Variants in MALRD1 observed in about 807,000 individuals in gnomAD.
MALRD1 encodes the protein MAM and LDL receptor class A domain containing 1.
MALRD1 carries 247 observed loss-of-function variants against 242.1 expected under a neutral mutation model. The ratio of observed to expected loss-of-function variants is 1.02; its 90% confidence interval spans 0.92 to 1.13. The LOEUF is 1.13. Ranked by LOEUF, MALRD1 falls within the 50% of genes most tolerant of loss-of-function variation. MALRD1 has a pLI of 0.00. For synonymous variants in MALRD1, 995 were observed against 866.6 expected, an observed-to-expected ratio of 1.15 and a Z score of -2.60; for missense variants, 2,989 against 2,533.1, an observed-to-expected ratio of 1.18 and a Z score of -3.86.
intron 29 of MALRD1, among the ~76,000 whole-genome samples, chr10:19,480,914 T>C (rs1319778935): frequency 6.6e-6 from 1 of 152,138 alleles, no homozygotes; most frequent in Non-Finnish European, 1.5e-5. Context: ...CAGCAATCAA[T>C]TGTTCTAAAA....
intron 19 of MALRD1, among the ~76,000 whole-genome samples, chr10:19,278,915 G>A (rs1840670029): frequency 1.3e-5 from 2 of 152,290 alleles, no homozygotes; most frequent in East Asian, 1.9e-4. Context: ...GCAATGGGAA[G>A]GGGAGAAGGG....
At chr10:19,489,172 A>T (rs1262985891) in intron 29 of MALRD1, 1 of 470,804 alleles carries the variant, frequency 2.1e-6, no homozygotes, top group East Asian at 6.8e-5. Context: ...CGCTGTTGTC[A>T]GGTAAACCTG....
chr10:19,131,085 T>C (rs141075317), intron 8 of MALRD1, among the ~76,000 whole-genome samples: 28 of 152,256 alleles, frequency 1.8e-4, no homozygotes, highest in African/African-American at 6.0e-4. Context: ...CTATCCTCTA[T>C]ACATATGTTG....
At chr10:19,370,880 A>G (rs1845341482) in intron 26 of MALRD1, among the ~76,000 whole-genome samples, 1 of 152,036 alleles carries the variant, frequency 6.6e-6, no homozygotes, top group African/African-American at 2.4e-5. Context: ...CCAGGCCCAC[A>G]TATTAGTTTT....
intron 33 of MALRD1, among the ~76,000 whole-genome samples, chr10:19,586,760 C>T (rs929541806): frequency 3.3e-5 from 5 of 152,250 alleles, no homozygotes; most frequent in African/African-American, 1.2e-4. Context: ...CCACCCAGTT[C>T]CAGCTTCCTG....
At chr10:19,608,539 A>G (rs1269508774) in intron 35 of MALRD1, among the ~76,000 whole-genome samples, 1 of 152,082 alleles carries the variant, frequency 6.6e-6, no homozygotes, top group Non-Finnish European at 1.5e-5. Flanking sequence ...TGATATATAA[A>G]ATAACAGATC....
At chr10:19,249,185 C>T (rs1415889395) in intron 18 of MALRD1, among the ~76,000 whole-genome samples, 6 of 150,716 alleles carry the variant, frequency 4.0e-5, no homozygotes, top group African/African-American at 1.2e-4. Flanking sequence ...GATAAATAAC[C>T]GAAGATTGAA....
chr10:19,670,269 G>T (rs1841860118), intron 36 of MALRD1, among the ~76,000 whole-genome samples: 1 of 152,078 alleles, frequency 6.6e-6, no homozygotes, highest in Non-Finnish European at 1.5e-5. Context: ...ATTTACCCAT[G>T]AATTTTCTTA....
chr10:19,171,444 A>C (rs1246832232), intron 13 of MALRD1, among the ~76,000 whole-genome samples: 2 of 130,536 alleles, frequency 1.5e-5, no homozygotes, highest in African/African-American at 2.7e-5. Flanking sequence ...ATATATATAT[A>C]TATATATATA....
chr10:19,215,708 C>T (rs912317099), intron 18 of MALRD1, among the ~76,000 whole-genome samples: 8 of 151,456 alleles, frequency 5.3e-5, no homozygotes, highest in African/African-American at 1.5e-4. Flanking sequence ...CCTGTGCAGA[C>T]GTGCTATAAT....
At chr10:19,281,124 C>G (rs546621173) in intron 20 of MALRD1, among the ~76,000 whole-genome samples, 18 of 152,250 alleles carry the variant, frequency 1.2e-4, no homozygotes, top group African/African-American at 4.1e-4. Flanking sequence ...AAATACACCA[C>G]CAATTAACTA....
intron 21 of MALRD1, among the ~76,000 whole-genome samples, chr10:19,295,611 A>G (rs1469674212): frequency 6.6e-6 from 1 of 152,116 alleles, no homozygotes; most frequent in African/African-American, 2.4e-5. Flanking sequence ...TTAAAAAATT[A>G]ATTGAAGTAA....
At chr10:19,362,244 C>A (rs1183023198) in intron 26 of MALRD1, among the ~76,000 whole-genome samples, 1 of 152,110 alleles carries the variant, frequency 6.6e-6, no homozygotes, top group African/African-American at 2.4e-5. Context: ...TTATACCGCT[C>A]ACTCTGCTAT....
At chr10:19,141,810 T>G (rs1451080233) in intron 10 of MALRD1, among the ~76,000 whole-genome samples, 1 of 152,076 alleles carries the variant, frequency 6.6e-6, no homozygotes, top group East Asian at 1.9e-4. Flanking sequence ...TGAAAGAAAT[T>G]TAAACCAAGG....
chr10:19,339,884 G>A (rs1004357372), intron 24 of MALRD1, among the ~76,000 whole-genome samples: 1 of 152,084 alleles, frequency 6.6e-6, no homozygotes, highest in Non-Finnish European at 1.5e-5. Context: ...CACATGGCTG[G>A]GGAGGCCTCA....
intron 21 of MALRD1, among the ~76,000 whole-genome samples, chr10:19,296,026 T>C (rs1430800491): frequency 1.3e-5 from 2 of 152,026 alleles, no homozygotes; most frequent in Non-Finnish European, 2.9e-5. Context: ...TGAAACATAC[T>C]GATACCCAGG....
At chr10:19,300,016 C>CA (rs539368702) in intron 21 of MALRD1, among the ~76,000 whole-genome samples, 191 of 152,020 alleles carry the variant, frequency 1.3e-3, no homozygotes, top group African/African-American at 4.5e-3. Context: ...ACAATTTTAG[C>CA]AAAATTTCAG....
chr10:19,326,388 TA>T (rs1440711431), intron 22 of MALRD1, among the ~76,000 whole-genome samples: 1 of 152,092 alleles, frequency 6.6e-6, no homozygotes, highest in Non-Finnish European at 1.5e-5. Context: ...ATCAAATGAA[TA>T]AAATGATATC....
At chr10:19,257,555 G>T in intron 18 of MALRD1, 129 bp from the exon 19 acceptor site, 1 of 665,074 alleles carries the variant, frequency 1.5e-6, no homozygotes, top group Non-Finnish European at 2.4e-6. Context: ...CTACTGCAAA[G>T]CAGTTTTTTA....
Sources: gnomAD v4.1 joint callset for allele counts (sites outside exome capture counted in the v4.1 genomes callset) on GRCh38, gnomAD v4.1.1 for gene constraint, MANE v1.5 for transcripts, NCBI Gene and HGNC (gene_info 2026-07-23, HGNC 2026-07-21) for gene names.